MAN2B2: variants seen among roughly 807,000 people sequenced by gnomAD.
The protein encoded by MAN2B2 is mannosidase alpha class 2B member 2.
MAN2B2 carries 106 observed loss-of-function variants against 117.1 expected under a neutral mutation model. The ratio of observed to expected loss-of-function variants is 0.90; its 90% CI spans 0.77 to 1.06. MAN2B2 has a LOEUF of 1.06. MAN2B2 is among the 50% of genes least tolerant of loss of function. The pLI is 0.00. For missense variants in MAN2B2, 1,326 were observed against 1,381.4 expected, an observed-to-expected ratio of 0.96 and a Z score of 0.64; for synonymous variants, 544 against 595.1, an observed-to-expected ratio of 0.91 and a Z score of 1.25.
rs1362913380 is a variant in MAN2B2 at position 6,599,698 on chromosome 4, G to A, written c.1406-925G>A. 2.0e-5 allele frequency among the ~76,000 whole-genome samples: 3 copies of A among 151,374 alleles called. No individual in the cohort carries two copies. In the East Asian group the frequency reaches 5.8e-4, roughly 29 times the overall value. On this transcript the variant is annotated intron_variant, in intron 9 of 18. Coordinates refer to ENST00000285599, the MANE Select transcript of MAN2B2 (RefSeq NM_015274.3). ...AAAAAAAAAAAGTTCTGGGATCACA[G>A]GCAAGAGCCACCATGCCTGGCTGCC...
At chr4:6,604,899 G>C (rs1727476059) in intron 10 of MAN2B2, among the ~76,000 whole-genome samples, 156 bp from the exon 11 acceptor site, 1 of 152,048 alleles carries the variant, frequency 6.6e-6, no homozygotes, top group Non-Finnish European at 1.5e-5. Context: ...GGTTTGTGGG[G>C]GTCCAAGGGG....
rs143629577 is a variant in MAN2B2, at chr4:6,586,299, G to T, written c.392-697G>T. Reference sequence around the variant, plus strand: ...TGGTCTCAAACTCCTGGGCTCAAGCGATCCTCCCACCTCAGCCTCCCAAAG... The same window carrying T: ...TGGTCTCAAACTCCTGGGCTCAAGCTATCCTCCCACCTCAGCCTCCCAAAG... On this transcript the variant is annotated intron_variant, in intron 3 of 18. Coordinates refer to ENST00000285599, the MANE Select transcript of MAN2B2 (RefSeq NM_015274.3). Among the ~76,000 whole-genome samples, 84 of 152,204 alleles carry T rather than the reference G, an allele frequency of 5.5e-4. 1 individual carries two copies. The highest frequency in any genetic ancestry group is 1.0e-3 in the Non-Finnish European group (68 of 67,998).
chr4:6,579,712 A>G (rs1444289172), intron 3 of MAN2B2, among the ~76,000 whole-genome samples: 2 of 151,892 alleles, frequency 1.3e-5, no homozygotes, highest in Admixed American at 1.3e-4. Context: ...CACCACATCC[A>G]TTACTACCAT....
chr4:6,607,904 GTCTTT>G (rs1361728584), intron 11 of MAN2B2, among the ~76,000 whole-genome samples: 1 of 152,168 alleles, frequency 6.6e-6, no homozygotes, highest in African/African-American at 2.4e-5. Context: ...GTTATTTTCT[GTCTTT>G]TCAATTATAG....
chr4:6,616,255 C>T (rs2108759591), intron 16 of MAN2B2, among the ~76,000 whole-genome samples: 1 of 152,306 alleles, frequency 6.6e-6, no homozygotes, highest in East Asian at 1.9e-4. Context: ...ACCTTGAACT[C>T]AGTGCTTTCC....
At chr4:6,575,387 A>G (rs762121852) in intron 1 of MAN2B2, 39 bp downstream of exon 1, 1 of 1,422,268 alleles carries the variant, frequency 7.0e-7, no homozygotes, top group Non-Finnish European at 9.3e-7. Context: ...CTGAGGCTGC[A>G]GCTTCCCTCT....
intron 7 of MAN2B2, among the ~76,000 whole-genome samples, 191 bp downstream of exon 7, chr4:6,594,923 A>G (rs897718877): frequency 3.3e-5 from 5 of 152,300 alleles, no homozygotes; most frequent in Middle Eastern, 3.4e-3. Flanking sequence ...CCTGGCCACC[A>G]CATGCACCAC....
intron 18 of MAN2B2, 163 bp downstream of exon 18, chr4:6,620,207 C>T (rs773212739): frequency 1.3e-5 from 8 of 594,526 alleles, no homozygotes; most frequent in Non-Finnish European, 1.5e-5. Context: ...CTACTACAGT[C>T]GGTTAAGAAA....
At chr4:6,605,499 AG>A (rs1344888923) in intron 11 of MAN2B2, among the ~76,000 whole-genome samples, 170 bp downstream of exon 11, 1 of 152,200 alleles carries the variant, frequency 6.6e-6, no homozygotes, top group Admixed American at 6.5e-5. Flanking sequence ...AGCCTGGGCC[AG>A]TGCAGGAAAG....
At position 6,609,297 on chromosome 4, in the gene MAN2B2, A is replaced by G. The variant is rs750193261; in HGVS notation, c.2005A>G (p.Arg669Gly). The change falls in exon 12 of 19, where the codon AGG (arginine) becomes GGG (glycine). Residue 669 changes from arginine (R) to glycine (G), a missense_variant and splice_region_variant. Transcript: ENST00000285599. ...GACTGAGATCCGGCAGTACTTCTAC[A>G]GGTGCTTCCCCTGGGGTGACCCCCA... Reference protein sequence around the residue: ...LVTEIRQYFYRNMTAQNYTYA... With the variant: ...LVTEIRQYFYGNMTAQNYTYA... 1 of 1,613,464 alleles carries G rather than the reference A, an allele frequency of 6.2e-7. No individual in the cohort carries two copies. The highest frequency in any genetic ancestry group is 8.5e-7 in the Non-Finnish European group (1 of 1,179,742).
chr4:6,609,458 C>T (rs1016132966), intron 12 of MAN2B2, 160 bp downstream of exon 12: 1 of 740,932 alleles, frequency 1.3e-6, no homozygotes, highest in East Asian at 2.7e-5. Context: ...TGTCTGCATG[C>T]TGGCTGCGTT....
At chr4:6,604,278 G>A (rs1727445657) in intron 10 of MAN2B2, among the ~76,000 whole-genome samples, 1 of 152,192 alleles carries the variant, frequency 6.6e-6, no homozygotes. Context: ...GCTTGCTTTG[G>A]TTGCTGCAGT....
chr4:6,589,360 C>T (rs950626130), intron 5 of MAN2B2, among the ~76,000 whole-genome samples, 200 bp downstream of exon 5: 5 of 152,200 alleles, frequency 3.3e-5, no homozygotes, highest in African/African-American at 1.2e-4. Context: ...TCTGCCTTAG[C>T]CTCCTGAGTA....
chr4:6,618,715 A>G (rs1712015788), intron 17 of MAN2B2: 1 of 152,232 alleles, frequency 6.6e-6, no homozygotes, highest in Admixed American at 6.5e-5. Flanking sequence ...CATTCTTTCT[A>G]TTTCATTTCC....
intron 11 of MAN2B2, among the ~76,000 whole-genome samples, chr4:6,606,544 C>G (rs959213498): frequency 2.6e-5 from 4 of 152,252 alleles, no homozygotes; most frequent in Non-Finnish European, 5.9e-5. Context: ...ACCCCACATG[C>G]CTAAGCCAGG....
intron 15 of MAN2B2, among the ~76,000 whole-genome samples, chr4:6,613,826 AAGG>A (rs776707824): frequency 5.2e-4 from 72 of 137,340 alleles, no homozygotes; most frequent in Non-Finnish European, 7.3e-4. Flanking sequence ...GGAAGGAAGG[AAGG>A]AAAAAAGAGG....
At chr4:6,594,251 T>C (rs1726976314) in intron 6 of MAN2B2, among the ~76,000 whole-genome samples, 2 of 152,180 alleles carry the variant, frequency 1.3e-5, no homozygotes, top group African/African-American at 4.8e-5. Flanking sequence ...GGGACCAGCC[T>C]GGCCAACATG....
rs372466479 is a variant in MAN2B2 at position 6,599,604 on chromosome 4, A to G, written c.1406-1019A>G. Among the ~76,000 whole-genome samples the G allele has an allele frequency of 7.0e-3, 1,050 of 149,914 alleles. 18 individuals are homozygous for G. Among genetic ancestry groups the G allele is most frequent in the African/African-American group, 0.023 (944 of 40,626 alleles). On this transcript the variant is annotated intron_variant, in intron 9 of 18. Coordinates refer to ENST00000285599, the MANE Select transcript of MAN2B2 (RefSeq NM_015274.3). ...CGTGAACCCAGGAGGCGGAGCTTGC[A>G]GTGAGCCGAGATCGCACCACTGCAC...
At chr4:6,578,081 T>G (rs1055646346) in intron 2 of MAN2B2, among the ~76,000 whole-genome samples, 10 of 152,150 alleles carry the variant, frequency 6.6e-5, no homozygotes, top group Admixed American at 2.0e-4. Context: ...GAGTGAACCT[T>G]GGGAAAGGAT....
Sources: allele counts gnomAD v4.1 joint callset (sites outside exome capture counted in the v4.1 genomes callset), GRCh38; gene constraint gnomAD v4.1.1; transcripts MANE v1.5; gene names NCBI Gene and HGNC (gene_info 2026-07-23, HGNC 2026-07-21).